The following SKI variants were observed in gnomAD, a reference collection of about 807,000 sequenced individuals.
The protein encoded by SKI is ski oncogene.
Under a neutral mutation model 59.3 loss-of-function variants are expected in SKI, and 23 were observed. That is an observed-to-expected ratio of 0.39 (90% CI 0.28 to 0.55). SKI has a LOEUF of 0.55. Ranked by LOEUF, SKI falls within the 20% of genes least tolerant of loss-of-function variation. The pLI, the probability that SKI is intolerant of heterozygous loss-of-function variation, is 0.67. For synonymous variants in SKI, 673 were observed against 488.6 expected (o/e 1.38, Z -4.98); for missense variants, 1,017 against 1,038.9 (o/e 0.98, Z 0.29).
intron 1 of SKI, among the ~76,000 whole-genome samples, chr1:2,277,436 C>T (rs1366704755): frequency 1.3e-5 from 2 of 152,132 alleles, no homozygotes; most frequent in Admixed American, 6.5e-5. Context: ...AAGTCTCATG[C>T]GATCTGATAG....
chr1:2,232,590 C>T (rs532964180), intron 1 of SKI: 1 of 152,436 alleles, frequency 6.6e-6, no homozygotes, highest in Admixed American at 6.5e-5. Context: ...GAAGCCTCCG[C>T]TTCTGTCCAG....
chr1:2,250,935 G>A (rs1274487052), intron 1 of SKI, among the ~76,000 whole-genome samples: 2 of 152,252 alleles, frequency 1.3e-5, no homozygotes, highest in Admixed American at 1.3e-4. Flanking sequence ...AGGAGCAAGC[G>A]GCCCCCATGC....
intron 1 of SKI, chr1:2,240,562 A>AT: frequency 3.0e-6 from 3 of 985,414 alleles, no homozygotes; most frequent in Non-Finnish European, 3.6e-6. Context: ...TCCTGGGGCC[A>AT]TCGAGGCTCC....
chr1:2,257,583 C>T (rs1332913002), intron 1 of SKI, among the ~76,000 whole-genome samples: 1 of 152,254 alleles, frequency 6.6e-6, no homozygotes, highest in Non-Finnish European at 1.5e-5. Context: ...GAGCCGGGCT[C>T]TCGGCGATTT....
intron 1 of SKI, among the ~76,000 whole-genome samples, chr1:2,264,951 C>T (rs1456264731): frequency 6.6e-6 from 1 of 152,054 alleles, no homozygotes; most frequent in East Asian, 1.9e-4. Flanking sequence ...CCTGGGATTA[C>T]AGGCACCCGC....
chr1:2,243,073 C>T (rs1466052246), intron 1 of SKI, among the ~76,000 whole-genome samples: 1 of 152,250 alleles, frequency 6.6e-6, no homozygotes, highest in East Asian at 1.9e-4. Flanking sequence ...ACCTGCCCTG[C>T]TCTGCTCAGC....
intron 1 of SKI, among the ~76,000 whole-genome samples, chr1:2,277,775 G>A (rs922926963): frequency 1.4e-5 from 2 of 138,984 alleles, no homozygotes; most frequent in Admixed American, 7.3e-5. Flanking sequence ...GGGCACACGT[G>A]CACACACGTC....
At chr1:2,266,991 A>G (rs956704639) in intron 1 of SKI, among the ~76,000 whole-genome samples, 7 of 152,190 alleles carry the variant, frequency 4.6e-5, no homozygotes, top group African/African-American at 1.7e-4. Flanking sequence ...GTTTAAAAAC[A>G]TCGCTGAATT....
intron 1 of SKI, among the ~76,000 whole-genome samples, chr1:2,241,440 TATAGTGCAGTGCTGCG>T (rs1638870586): frequency 6.6e-6 from 1 of 152,170 alleles, no homozygotes; most frequent in African/African-American, 2.4e-5. Flanking sequence ...TCGCCCAGGC[TATAGTGCAGTGCTGCG>T]ATCTCCGCTC....
intron 1 of SKI, among the ~76,000 whole-genome samples, chr1:2,291,700 C>T (rs576397567): frequency 0.04 from 1,533 of 37,866 alleles, 7 homozygotes; most frequent in Non-Finnish European, 0.051. Flanking sequence ...TTGGCTCTGG[C>T]ATTGTGGGGG....
intron 1 of SKI, among the ~76,000 whole-genome samples, chr1:2,301,224 A>C (rs1360652856): frequency 6.6e-6 from 1 of 152,194 alleles, no homozygotes; most frequent in Non-Finnish European, 1.5e-5. Flanking sequence ...CCTGCCAGGC[A>C]TAGGCACAGC....
intron 1 of SKI, among the ~76,000 whole-genome samples, chr1:2,278,439 A>G (rs748642060): frequency 7.3e-4 from 111 of 152,216 alleles, no homozygotes; most frequent in Non-Finnish European, 1.5e-3. Flanking sequence ...GGAGAAATCT[A>G]CCCAGGTCCC....
intron 1 of SKI, among the ~76,000 whole-genome samples, chr1:2,272,837 C>G (rs1432536129): frequency 1.3e-5 from 2 of 152,024 alleles, no homozygotes; most frequent in East Asian, 1.9e-4. Flanking sequence ...CGAGCCTCCC[C>G]CTCCCACGCC....
At chr1:2,247,504 C>T (rs1224151874) in intron 1 of SKI, among the ~76,000 whole-genome samples, 1 of 152,246 alleles carries the variant, frequency 6.6e-6, no homozygotes, top group Non-Finnish European at 1.5e-5. Flanking sequence ...CTCACAGAAG[C>T]CTGTCACGTT....
chr1:2,243,252 A>G (rs1226180938), intron 1 of SKI, among the ~76,000 whole-genome samples: 1 of 152,246 alleles, frequency 6.6e-6, no homozygotes, highest in African/African-American at 2.4e-5. Flanking sequence ...GCACAAACAC[A>G]TCACACGGGC....
At chr1:2,293,544 C>A (rs377104262) in intron 1 of SKI, among the ~76,000 whole-genome samples, 1 of 152,088 alleles carries the variant, frequency 6.6e-6, no homozygotes, top group Non-Finnish European at 1.5e-5. Flanking sequence ...CTCTGGACTG[C>A]GTTTGGATGA....
intron 1 of SKI, among the ~76,000 whole-genome samples, chr1:2,278,280 C>T (rs1410079140): frequency 6.6e-6 from 1 of 152,198 alleles, no homozygotes; most frequent in Non-Finnish European, 1.5e-5. Flanking sequence ...GAGGCCTTGC[C>T]TAGAGGCAGC....
At chr1:2,277,192 C>T (rs933144022) in intron 1 of SKI, among the ~76,000 whole-genome samples, 1 of 152,188 alleles carries the variant, frequency 6.6e-6, no homozygotes, top group Non-Finnish European at 1.5e-5. Context: ...CTCCCAGGTT[C>T]AAGTGATTGT....
intron 1 of SKI, among the ~76,000 whole-genome samples, chr1:2,298,114 C>T (rs2843161): frequency 0.88 from 133,435 of 152,164 alleles, 58,718 homozygotes; most frequent in African/African-American, 0.95. Context: ...GACCTGTGGG[C>T]TGCTCAACCG....
Sources: gnomAD v4.1 joint callset for allele counts (sites outside exome capture counted in the v4.1 genomes callset) on GRCh38, gnomAD v4.1.1 for gene constraint, MANE v1.5 for transcripts, NCBI Gene and HGNC (gene_info 2026-07-23, HGNC 2026-07-21) for gene names.